The following ADAMTSL1 variants were observed in gnomAD, a reference collection of about 807,000 sequenced individuals.
The protein encoded by ADAMTSL1 is ADAMTS-like protein 1.
ADAMTSL1 carries 126 observed loss-of-function variants against 201.8 expected under a neutral mutation model. The ratio of observed to expected loss-of-function variants is 0.62; its 90% CI spans 0.54 to 0.72. The LOEUF (loss-of-function observed/expected upper bound fraction) is 0.72. ADAMTSL1 is among the 30% of genes least tolerant of loss of function. The pLI, the probability that ADAMTSL1 is intolerant of heterozygous loss-of-function variation, is 0.00. For missense variants in ADAMTSL1, 2,679 were observed against 2,277.8 expected (o/e 1.18, Z -3.59); for synonymous variants, 1,121 against 903.4 (o/e 1.24, Z -4.32).
Position 18,721,472 on chromosome 9 carries a change from C to T in ADAMTSL1, c.1877-64C>T, listed in dbSNP as rs1229522566. 6 of 1,588,236 alleles carry T rather than the reference C, an allele frequency of 3.8e-6. No homozygotes were observed. The African/African-American group carries it at 4.0e-5, about 11-fold the overall frequency. ...CCTCCCACCAGCTGCCTTGTCTACA[C>T]TTCATCACCCCCCACACACACACCC... On this transcript the variant is annotated intron_variant, in intron 14 of 28. Coordinates refer to ENST00000380548, the MANE Select transcript of ADAMTSL1 (RefSeq NM_001040272.6).
At chr9:18,775,655 T>C in intron 17 of ADAMTSL1, 88 bp from the exon 18 acceptor site, 1 of 1,505,298 alleles carries the variant, frequency 6.6e-7, no homozygotes, top group Non-Finnish European at 9.0e-7. Flanking sequence ...AGCAAATTTC[T>C]CATATTTTGA....
chr9:17,940,759 C>T (rs1010897612), intron 1 of ADAMTSL1, among the ~76,000 whole-genome samples: 2 of 128,926 alleles, frequency 1.6e-5, no homozygotes, highest in African/African-American at 2.8e-5. Flanking sequence ...GACCCTAACT[C>T]GAAAAATAAA....
chr9:18,904,117 C>T (rs1382068026), intron 26 of ADAMTSL1, among the ~76,000 whole-genome samples: 2 of 152,056 alleles, frequency 1.3e-5, no homozygotes, highest in African/African-American at 4.8e-5. Context: ...TACAGGCATC[C>T]ACCACCACAC....
intron 1 of ADAMTSL1, among the ~76,000 whole-genome samples, chr9:18,010,964 T>C (rs1820028410): frequency 6.6e-6 from 1 of 152,000 alleles, no homozygotes; most frequent in East Asian, 1.9e-4. Flanking sequence ...TTTATGAGTA[T>C]TAAATTCTAT....
chr9:18,322,873 A>G (rs1361345139), intron 2 of ADAMTSL1, among the ~76,000 whole-genome samples: 2 of 152,254 alleles, frequency 1.3e-5, no homozygotes, highest in Non-Finnish European at 2.9e-5. Flanking sequence ...GAAAAAATAA[A>G]TAGAAAATAT....
chr9:18,503,979 CAT>C (rs1822986911), intron 1 of ADAMTSL1, among the ~76,000 whole-genome samples: 1 of 113,522 alleles, frequency 8.8e-6, no homozygotes, highest in Admixed American at 9.6e-5. Context: ...TATGTGCATG[CAT>C]GTGTGTGTGT....
intron 2 of ADAMTSL1, among the ~76,000 whole-genome samples, chr9:18,410,250 C>T (rs570476921): frequency 6.6e-6 from 1 of 151,302 alleles, no homozygotes; most frequent in African/African-American, 2.4e-5. Flanking sequence ...GCAGGATGTG[C>T]AGGGTTGTTA....
At chr9:18,797,853 T>C (rs1822529697) in intron 20 of ADAMTSL1, among the ~76,000 whole-genome samples, 1 of 152,206 alleles carries the variant, frequency 6.6e-6, no homozygotes, top group African/African-American at 2.4e-5. Context: ...CCTTTCTTTC[T>C]CTAGCTCTTC....
chr9:18,175,218 C>T (rs1828087793), intron 2 of ADAMTSL1, among the ~76,000 whole-genome samples: 1 of 152,050 alleles, frequency 6.6e-6, no homozygotes, highest in African/African-American at 2.4e-5. Flanking sequence ...TTAAAATAAA[C>T]ATGTTCTGGA....
At chr9:18,726,929 A>G (rs370049013) in intron 15 of ADAMTSL1, among the ~76,000 whole-genome samples, 4 of 152,210 alleles carry the variant, frequency 2.6e-5, no homozygotes, top group African/African-American at 7.2e-5. Context: ...TCTCAGACCT[A>G]GGATGGTTCT....
chr9:18,221,756 A>G (rs1830267457), intron 2 of ADAMTSL1, among the ~76,000 whole-genome samples: 1 of 152,048 alleles, frequency 6.6e-6, no homozygotes, highest in South Asian at 2.1e-4. Context: ...TGTGTGTGTT[A>G]TCCAGTTGTT....
intron 1 of ADAMTSL1, among the ~76,000 whole-genome samples, chr9:17,947,571 TGCAGTTGCAATTGCAATATTGTCC>T (rs1827552951): frequency 6.6e-6 from 1 of 152,150 alleles, no homozygotes; most frequent in Admixed American, 6.6e-5. Context: ...AATTTGCAAT[TGCAGTTGCAATTGCAATATTGTCC>T]GCCACTTAAG....
intron 1 of ADAMTSL1, among the ~76,000 whole-genome samples, chr9:17,917,078 A>T (rs747366098): frequency 6.6e-6 from 1 of 152,150 alleles, no homozygotes; most frequent in Non-Finnish European, 1.5e-5. Context: ...AGTATACAAA[A>T]ATACAATTGA....
At chr9:18,268,718 C>G (rs957173621) in intron 2 of ADAMTSL1, among the ~76,000 whole-genome samples, 2 of 152,104 alleles carry the variant, frequency 1.3e-5, no homozygotes, top group African/African-American at 2.4e-5. Flanking sequence ...TCAGTGTGGA[C>G]TTTAAAAGAA....
chr9:18,790,164 A>G (rs753469703), intron 19 of ADAMTSL1, among the ~76,000 whole-genome samples: 4 of 152,234 alleles, frequency 2.6e-5, no homozygotes, highest in Admixed American at 6.5e-5. Context: ...AACAGTAAGA[A>G]TGAGTCTATA....
chr9:18,226,152 G>A (rs1464129892), intron 2 of ADAMTSL1, among the ~76,000 whole-genome samples: 1 of 152,066 alleles, frequency 6.6e-6, no homozygotes, highest in Non-Finnish European at 1.5e-5. Flanking sequence ...ATTTTTTGAG[G>A]TAATGTAATT....
Position 18,826,295 on chromosome 9 carries a change from G to A in ADAMTSL1, c.3946G>A (p.Ala1316Thr), listed in dbSNP as rs1192775852. The A allele has an allele frequency of 3.1e-6, 5 of 1,611,380 alleles. No homozygotes were observed. Among genetic ancestry groups the A allele is most frequent in the Non-Finnish European group, 8.5e-7 (1 of 1,179,028 alleles). Residue 1316 changes from alanine to threonine, a missense_variant, in exon 22 of 29, where the codon GCT becomes ACT. By Grantham distance (58) the Ala-to-Thr change is moderately conservative. Coordinates refer to ENST00000380548, the MANE Select transcript of ADAMTSL1 (RefSeq NM_001040272.6). ...TTTTTTCTTCCTAGGAGTGCCTGAA[G>A]CTGAAGTCACTTGGTTCAGGAATAA... Reference protein sequence around the residue: ...INCQVAGVPEAEVTWFRNKSK... With the variant: ...INCQVAGVPETEVTWFRNKSK...
At chr9:18,254,667 G>GCCCCCCCCCC (rs530444304) in intron 2 of ADAMTSL1, among the ~76,000 whole-genome samples, 1 of 41,816 alleles carries the variant, frequency 2.4e-5, no homozygotes, top group Non-Finnish European at 5.5e-5. Flanking sequence ...CTGCCCCCCC[G>GCCCCCCCCCC]CCCCCCCCAG....
chr9:18,523,223 G>A (rs1217901670), intron 2 of ADAMTSL1, among the ~76,000 whole-genome samples: 1 of 152,138 alleles, frequency 6.6e-6, no homozygotes, highest in East Asian at 1.9e-4. Flanking sequence ...GTGTCTGTTG[G>A]CTGCATAAAT....
Sources: allele counts gnomAD v4.1 joint callset (sites outside exome capture counted in the v4.1 genomes callset), GRCh38; gene constraint gnomAD v4.1.1; transcripts MANE v1.5; gene names NCBI Gene and HGNC (gene_info 2026-07-23, HGNC 2026-07-21).